GNPTAB: variants seen among roughly 807,000 people sequenced by gnomAD.
The protein encoded by GNPTAB is N-acetylglucosamine-1-phosphotransferase subunits alpha/beta.
A neutral mutation model predicts 136.6 loss-of-function variants in GNPTAB; 92 were observed. The ratio of observed to expected loss-of-function variants is 0.67; its 90% CI spans 0.57 to 0.80. The LOEUF (loss-of-function observed/expected upper bound fraction) is 0.80, where lower values mean the gene tolerates loss of function less well. Among genes scored for constraint, GNPTAB ranks in the 30% least tolerant of loss-of-function variants. GNPTAB has a pLI of 0.00. For synonymous variants in GNPTAB, 512 were observed against 535.1 expected, an observed-to-expected ratio of 0.96 and a Z score of 0.60; for missense variants, 1,343 against 1,501.8, an observed-to-expected ratio of 0.89 and a Z score of 1.75.
At chr12:101,822,524 T>G (rs1039701923) in intron 1 of GNPTAB, among the ~76,000 whole-genome samples, 2 of 152,192 alleles carry the variant, frequency 1.3e-5, no homozygotes, top group African/African-American at 2.4e-5. Flanking sequence ...TTCCTTTCTT[T>G]CATGTGCTCC....
intron 3 of GNPTAB, among the ~76,000 whole-genome samples, chr12:101,789,304 G>C (rs970170890): frequency 2.0e-5 from 3 of 152,078 alleles, no homozygotes; most frequent in African/African-American, 7.2e-5. Flanking sequence ...CCAGTATCTG[G>C]CAAAAGTGGC....
chr12:101,825,028 A>T (rs183356410), intron 1 of GNPTAB, among the ~76,000 whole-genome samples: 185 of 152,318 alleles, frequency 1.2e-3, no homozygotes, highest in African/African-American at 4.1e-3. Flanking sequence ...CCTAAAGCTC[A>T]TGCCTCCTTG....
At chr12:101,821,645 C>A (rs1870809186) in intron 1 of GNPTAB, among the ~76,000 whole-genome samples, 1 of 152,148 alleles carries the variant, frequency 6.6e-6, no homozygotes, top group Non-Finnish European at 1.5e-5. Context: ...TCTGTGACGC[C>A]TGCTCCACCT....
intron 19 of GNPTAB, among the ~76,000 whole-genome samples, chr12:101,750,563 C>T (rs533043904): frequency 6.6e-6 from 1 of 152,246 alleles, no homozygotes; most frequent in South Asian, 2.1e-4. Context: ...CTTTTAAGCC[C>T]ACTTCTTTCT....
chr12:101,747,794 G>C (rs1018103161), intron 20 of GNPTAB, among the ~76,000 whole-genome samples: 1 of 151,666 alleles, frequency 6.6e-6, no homozygotes, highest in South Asian at 2.1e-4. Flanking sequence ...GGAGGAAGGA[G>C]TTTGACTCCA....
intron 3 of GNPTAB, 97 bp downstream of exon 3, chr12:101,789,841 G>T: frequency 8.5e-7 from 1 of 1,175,498 alleles, no homozygotes. Flanking sequence ...TTAGCATGAT[G>T]ACTGGGTTTT....
At chr12:101,752,741 A>T (rs1346173130) in intron 19 of GNPTAB, among the ~76,000 whole-genome samples, 3 of 152,144 alleles carry the variant, frequency 2.0e-5, no homozygotes, top group Non-Finnish European at 2.9e-5. Context: ...CTCAGCACAT[A>T]CCGACCTCAT....
chr12:101,810,416 T>TACAC (rs1339743724), intron 1 of GNPTAB: 25 of 107,730 alleles, frequency 2.3e-4, no homozygotes, highest in East Asian at 1.0e-3. Flanking sequence ...TATATATATA[T>TACAC]ATATATACAC....
chr12:101,798,796 G>A (rs1869446046), intron 1 of GNPTAB, among the ~76,000 whole-genome samples: 1 of 152,168 alleles, frequency 6.6e-6, no homozygotes, highest in African/African-American at 2.4e-5. Flanking sequence ...TAAACTGCAT[G>A]TTGCGGTAAA....
intron 1 of GNPTAB, among the ~76,000 whole-genome samples, chr12:101,826,815 A>C (rs976110142): frequency 2.6e-5 from 4 of 152,236 alleles, no homozygotes; most frequent in African/African-American, 9.6e-5. Flanking sequence ...AAGGATCTTA[A>C]GAGCAGTCAA....
rs222512 is a variant in GNPTAB, at chr12:101,790,293, C to T, written c.204-236G>A. 0.97 allele frequency among the ~76,000 whole-genome samples: 148,007 copies of T among 152,290 alleles called. 71,956 individuals are homozygous for T. Among genetic ancestry groups the T allele is most frequent in the East Asian group, 1 (5,171 of 5,174 alleles). ...TAGACACTTAGGTAATTTGCATCAC[C>T]TGATGCACACAGCCACTCTGTAAGA... On this transcript the variant is annotated intron_variant, in intron 2 of 20. Transcript: ENST00000299314.
chr12:101,783,780 T>A (rs976551000), intron 5 of GNPTAB, among the ~76,000 whole-genome samples: 3 of 151,820 alleles, frequency 2.0e-5, no homozygotes, highest in Admixed American at 6.6e-5. Context: ...AGTGGTGCAA[T>A]CTCAGCTCAC....
intron 1 of GNPTAB, among the ~76,000 whole-genome samples, chr12:101,811,383 C>CTTTTTT (rs11356611): frequency 1.4e-5 from 2 of 142,574 alleles, no homozygotes; most frequent in Non-Finnish European, 1.5e-5. Flanking sequence ...ATAATTTTTT[C>CTTTTTT]TTTTTTTTTT....
intron 18 of GNPTAB, among the ~76,000 whole-genome samples, chr12:101,754,739 TA>T (rs11321534): frequency 0.34 from 50,068 of 146,342 alleles, 8,270 homozygotes; most frequent in East Asian, 0.4. Flanking sequence ...TCGCCAAAAT[TA>T]AAAAAAAAAA....
At chr12:101,792,937 T>C (rs1039507679) in intron 2 of GNPTAB, among the ~76,000 whole-genome samples, 1 of 152,234 alleles carries the variant, frequency 6.6e-6, no homozygotes, top group Non-Finnish European at 1.5e-5. Flanking sequence ...CTAATGTTTG[T>C]AGAATTTCCT....
chr12:101,750,702 C>A (rs1952803365), intron 19 of GNPTAB, among the ~76,000 whole-genome samples: 1 of 152,152 alleles, frequency 6.6e-6, no homozygotes, highest in South Asian at 2.1e-4. Context: ...CCATTCCTTG[C>A]CATTTCTGGG....
At chr12:101,776,547 C>T (rs1953264648) in intron 7 of GNPTAB, among the ~76,000 whole-genome samples, 1 of 152,294 alleles carries the variant, frequency 6.6e-6, no homozygotes, top group Non-Finnish European at 1.5e-5. Flanking sequence ...TACACTCCTG[C>T]CTCAGTTAAT....
At chr12:101,783,802 C>T (rs1350018192) in intron 5 of GNPTAB, among the ~76,000 whole-genome samples, 1 of 151,936 alleles carries the variant, frequency 6.6e-6, no homozygotes, top group African/African-American at 2.4e-5. Flanking sequence ...GCAGCCTCAA[C>T]CTCCCAGGCT....
rs562940893 is a variant in GNPTAB at position 101,746,972 on chromosome 12, C to T, written c.*192G>A. ...AATCAGTTCAGAGCTGCTCAACACA[C>T]AAGTTTTCAGTGGGTTGGTTAAATA... On this transcript the variant is annotated 3_prime_UTR_variant, in exon 21 of 21. Coordinates refer to ENST00000299314, the MANE Select transcript of GNPTAB (RefSeq NM_024312.5). 2.7e-5 allele frequency: 16 copies of T among 595,744 alleles called. No individual in the cohort carries two copies. The South Asian group carries it at 2.9e-4, about 11-fold the overall frequency. The allele number at this position is 595,744 out of a possible 1,614,324, so 36.9% of individuals were successfully genotyped here.
Sources: allele counts gnomAD v4.1 joint callset (sites outside exome capture counted in the v4.1 genomes callset), GRCh38; gene constraint gnomAD v4.1.1; transcripts MANE v1.5; gene names NCBI Gene and HGNC (gene_info 2026-07-23, HGNC 2026-07-21).